Variants in ALDH1L1 observed in about 807,000 individuals in gnomAD.
ALDH1L1 encodes aldehyde dehydrogenase 1 family member L1, also known as cytosolic 10-formyltetrahydrofolate dehydrogenase.
A neutral mutation model predicts 101.1 loss-of-function variants in ALDH1L1; 68 were observed. The ratio of observed to expected loss-of-function variants is 0.67; its 90% confidence interval spans 0.55 to 0.82. ALDH1L1 has a LOEUF of 0.82. ALDH1L1 is among the 40% of genes least tolerant of loss of function. ALDH1L1 has a pLI of 0.00. For synonymous variants in ALDH1L1, 486 were observed against 470.8 expected (o/e 1.03, Z -0.42); for missense variants, 1,087 against 1,172.7 (o/e 0.93, Z 1.07).
intron 2 of ALDH1L1, chr3:126,159,645 T>C (rs1318947451): frequency 4.9e-6 from 2 of 410,960 alleles, no homozygotes; most frequent in Admixed American, 2.6e-5. Flanking sequence ...CAGTGACCAA[T>C]GAAATACTGC....
intron 14 of ALDH1L1, among the ~76,000 whole-genome samples, chr3:126,127,127 G>A (rs1405456397): frequency 6.6e-6 from 1 of 152,182 alleles, no homozygotes; most frequent in Non-Finnish European, 1.5e-5. Flanking sequence ...TTAGGCCCTG[G>A]ATTGGTGGTC....
chr3:126,193,945 G>T (rs1003489748), intron 1 of ALDH1L1, among the ~76,000 whole-genome samples: 2 of 152,058 alleles, frequency 1.3e-5, no homozygotes, highest in Non-Finnish European at 2.9e-5. Context: ...TGATTCTAAA[G>T]TTATTAGAAA....
At chr3:126,145,640 C>A (rs1172643444) in intron 9 of ALDH1L1, among the ~76,000 whole-genome samples, 1 of 152,180 alleles carries the variant, frequency 6.6e-6, no homozygotes, top group South Asian at 2.1e-4. Flanking sequence ...CCAAGCTCAT[C>A]AGAGCAAAAA....
At chr3:126,175,522 T>TG (rs1334435828) in intron 1 of ALDH1L1, among the ~76,000 whole-genome samples, 1 of 152,148 alleles carries the variant, frequency 6.6e-6, no homozygotes, top group Non-Finnish European at 1.5e-5. Flanking sequence ...AACCACCACA[T>TG]GGGATTTATT....
intron 1 of ALDH1L1, among the ~76,000 whole-genome samples, 165 bp from the exon 2 acceptor site, chr3:126,161,167 G>C (rs1292211180): frequency 6.6e-6 from 1 of 152,256 alleles, no homozygotes; most frequent in Non-Finnish European, 1.5e-5. Flanking sequence ...CTGTAAGAGA[G>C]ACCAGATGAA....
At chr3:126,105,514 C>G in intron 22 of ALDH1L1, 1 of 620,206 alleles carries the variant, frequency 1.6e-6, no homozygotes, top group Non-Finnish European at 2.9e-6. Flanking sequence ...CCAGGCCCCT[C>G]TTCTTGCCTT....
intron 2 of ALDH1L1, chr3:126,160,595 G>T: frequency 2.2e-6 from 1 of 461,750 alleles, no homozygotes; most frequent in Non-Finnish European, 3.8e-6. Flanking sequence ...GGACCAGGCT[G>T]GGCTTCTCTA....
chr3:126,190,863 A>G (rs2081548889), intron 1 of ALDH1L1, among the ~76,000 whole-genome samples: 1 of 151,768 alleles, frequency 6.6e-6, no homozygotes, highest in Non-Finnish European at 1.5e-5. Context: ...TATATCTGCT[A>G]TCTAAAAATA....
chr3:126,148,539 G>C (rs1339742109), intron 8 of ALDH1L1, among the ~76,000 whole-genome samples: 1 of 152,156 alleles, frequency 6.6e-6, no homozygotes, highest in Non-Finnish European at 1.5e-5. Context: ...TGGAGGCCGA[G>C]TGCAGCTGTG....
chr3:126,114,802 C>CCCCCCCCG, intron 17 of ALDH1L1, 146 bp from the exon 18 acceptor site: 1 of 731,620 alleles, frequency 1.4e-6, no homozygotes, highest in South Asian at 1.5e-5. Context: ...CTCCCCCCCA[C>CCCCCCCCG]CCCTTGCGGC....
intron 9 of ALDH1L1, among the ~76,000 whole-genome samples, chr3:126,143,788 G>A (rs1195043065): frequency 6.6e-6 from 1 of 151,968 alleles, no homozygotes; most frequent in African/African-American, 2.4e-5. Context: ...AAAAAAAATT[G>A]TTTTAAGTTA....
chr3:126,181,896 C>G (rs1181722356), upstream of ALDH1L1, among the ~76,000 whole-genome samples: 2 of 152,188 alleles, frequency 1.3e-5, no homozygotes, highest in Admixed American at 6.5e-5. Context: ...GGCACTGTCC[C>G]CTTGTTCTTT....
At chr3:126,170,696 A>G (rs1250950807) in intron 1 of ALDH1L1, among the ~76,000 whole-genome samples, 2 of 152,196 alleles carry the variant, frequency 1.3e-5, no homozygotes, top group Admixed American at 1.3e-4. Flanking sequence ...TTTTATAACC[A>G]TAGGGTCTGG....
intron 9 of ALDH1L1, among the ~76,000 whole-genome samples, chr3:126,139,178 A>G (rs1684929265): frequency 6.6e-6 from 1 of 152,260 alleles, no homozygotes; most frequent in African/African-American, 2.4e-5. Context: ...GCTGGCAGTC[A>G]TTGTTTCAAC....
chr3:126,130,432 C>T, intron 13 of ALDH1L1, 139 bp from the exon 14 acceptor site: 1 of 659,500 alleles, frequency 1.5e-6, no homozygotes, highest in Non-Finnish European at 2.3e-6. Flanking sequence ...GAGAGACAGG[C>T]AGGGGGGCAG....
intron 19 of ALDH1L1, among the ~76,000 whole-genome samples, chr3:126,112,293 C>A (rs964476378): frequency 3.3e-5 from 5 of 152,206 alleles, no homozygotes; most frequent in African/African-American, 1.2e-4. Flanking sequence ...CACAGCCAAG[C>A]CTACCTGCCA....
intron 22 of ALDH1L1, chr3:126,104,454 C>G (rs1945790840): frequency 6.4e-6 from 1 of 155,868 alleles, no homozygotes; most frequent in African/African-American, 2.4e-5. Flanking sequence ...CAGGAGGGTG[C>G]TGGTCCTCTC....
At chr3:126,164,404 T>G (rs905862575) in intron 1 of ALDH1L1, among the ~76,000 whole-genome samples, 1 of 152,206 alleles carries the variant, frequency 6.6e-6, no homozygotes, top group Non-Finnish European at 1.5e-5. Context: ...GTCTGCAGTG[T>G]CTGTTGTTCC....
intron 1 of ALDH1L1, among the ~76,000 whole-genome samples, chr3:126,171,023 G>C (rs1265154425): frequency 1.3e-5 from 2 of 152,214 alleles, no homozygotes; most frequent in Admixed American, 1.3e-4. Flanking sequence ...TCTTGGCTGG[G>C]CGCGGTGGCT....
Sources: gnomAD v4.1 joint callset for allele counts (sites outside exome capture counted in the v4.1 genomes callset) on GRCh38, gnomAD v4.1.1 for gene constraint, MANE v1.5 for transcripts, NCBI Gene and HGNC (gene_info 2026-07-23, HGNC 2026-07-21) for gene names.